VARS1: variants seen among roughly 807,000 people sequenced by gnomAD.
VARS1 encodes the protein valyl-tRNA synthetase 1, also known as valine--tRNA ligase.
Under a neutral mutation model 161.0 loss-of-function variants are expected in VARS1, and 92 were observed. The observed-to-expected ratio is 0.57, with a 90% confidence interval of 0.48 to 0.68. The LOEUF is 0.68. VARS1 is among the 30% of genes least tolerant of loss of function. The probability of loss-of-function intolerance (pLI) is 0.00; values close to 1 mark genes in which losing one functional copy is unlikely to be tolerated. For missense variants in VARS1, 1,338 were observed against 1,695.9 expected, an observed-to-expected ratio of 0.79 and a Z score of 3.71; for synonymous variants, 595 against 682.5, an observed-to-expected ratio of 0.87 and a Z score of 2.00.
In VARS1 at chr6:31,783,123, C is replaced by T; in HGVS notation, c.1735G>A (p.Glu579Lys). The T allele has an allele frequency of 6.2e-7, 1 of 1,612,780 alleles. No homozygotes were observed. The highest frequency in any genetic ancestry group is 8.5e-7 in the Non-Finnish European group (1 of 1,179,950). The change falls in exon 14 of 30, where the codon GAA becomes AAA. Residue 579 changes from glutamate (E) to lysine (K), a missense_variant. Physicochemically the swap from Glu to Lys is moderately conservative, Grantham distance 56 (BLOSUM62 1). This residue lies in a region of VARS1 where 902 missense variants were observed against 1,090.3 expected (regional missense o/e 0.83). Transcript: ENST00000375663. Reference sequence around the variant, plus strand: ...GTGCCAAAGTCCATGTCCACAAATTCATCGAAGACAATGGGAAGGCTCCGA... The same window carrying T: ...GTGCCAAAGTCCATGTCCACAAATTTATCGAAGACAATGGGAAGGCTCCGA... Reference protein sequence around the residue: ...LSRSLPIVFDEFVDMDFGTGA... With the variant: ...LSRSLPIVFDKFVDMDFGTGA...
chr6:31,778,850 A>C lies in VARS1; in HGVS notation c.3726+117T>G, dbSNP rs929122170. On this transcript the variant is annotated intron_variant, in intron 29 of 29. Transcript: ENST00000375663. The surrounding 1 kb of genome is among the most constrained non-coding windows in gnomAD (Gnocchi z 5.1). The stretch of plus-strand genomic sequence containing the variant: ...AGTGGGAGTGGAGAAGGAACAAAGA[A>C]ATCTGTAACTGGTTACGATCAATTA... 14 of 1,376,772 alleles carry C rather than the reference A, an allele frequency of 1.0e-5. No homozygotes were observed. The highest frequency in any genetic ancestry group is 2.3e-5 in the East Asian group (1 of 42,672). The allele number at this position is 1,376,772 out of a possible 1,614,324, so 85.3% of individuals were successfully genotyped here. A position where few individuals can be genotyped will look rare whatever the true frequency, so the allele number is the denominator to read the frequency against.
Position 31,795,592 on chromosome 6 carries a change from G to C in VARS1, c.-80C>G, listed in dbSNP as rs1814229396. On this transcript the variant is annotated 5_prime_UTR_variant, in exon 1 of 30. Transcript: ENST00000375663. This position sits in a 1 kb window ranked among gnomAD's most constrained non-coding sequence, Gnocchi z 6.9. ...GGCCGGGAATCCACCTCACAGCCAG[G>C]CGCCGGCCGCGGCTGGACCGGCCGA... The C allele has an allele frequency of 5.6e-6, 1 of 177,880 alleles. No homozygotes were observed. Among genetic ancestry groups the C allele is most frequent in the Non-Finnish European group, 1.2e-5 (1 of 85,322 alleles). 11.0% of individuals were successfully genotyped at this position (177,880 alleles called of 1,614,324 possible).
Position 31,783,103 on chromosome 6 carries a change from A to G in VARS1, c.1755T>C (p.Phe585=). ...IVFDEFVDMD[F]GTGAVKITPA... is the part of the protein sequence containing the mutation. ...GACCAGCCCCTTGCCCACCTGTGCC[A>G]AAGTCCATGTCCACAAATTCATCGA... The change falls in exon 14 of 30, where the codon TTT becomes TTC. Residue 585 remains phenylalanine, a synonymous_variant. Coordinates refer to ENST00000375663, the MANE Select transcript of VARS1 (RefSeq NM_006295.3). 1 of 1,612,538 alleles carries G rather than the reference A, an allele frequency of 6.2e-7. No homozygotes were observed. The highest frequency in any genetic ancestry group is 8.5e-7 in the Non-Finnish European group (1 of 1,179,816).
chr6:31,779,444 G>A lies in VARS1; in HGVS notation c.3381C>T (p.Leu1127=), dbSNP rs1249773464. 1 of 1,612,362 alleles carries A rather than the reference G, an allele frequency of 6.2e-7. No homozygotes were observed. The highest frequency in any genetic ancestry group is 8.5e-7 in the Non-Finnish European group (1 of 1,180,012). The change falls in exon 28 of 30, where the codon CTC becomes CTT. Residue 1127 remains leucine (L), a synonymous_variant. Transcript: ENST00000375663. This position sits in a 1 kb window ranked among gnomAD's most constrained non-coding sequence, Gnocchi z 9.1. ...GCTCACAGTCAGGCCGGATCCGGGT[G>A]AGGTTGTAGTCGGCCCGCAGGGAGC... ...AVRSLRADYN[L]TRIRPDCFLE...
In VARS1 at chr6:31,780,081, G is replaced by C. The variant is rs1243342123; in HGVS notation, c.2998C>G (p.Gln1000Glu). 2.5e-6 allele frequency: 4 copies of C among 1,614,024 alleles called. No individual in the cohort carries two copies. In the African/African-American group the frequency reaches 4.0e-5, roughly 16 times the overall value. ...GGGAAGTCGTAGGCCTGGAAGCCTT[G>C]ATTGCTGAGCCTCACAGCCTCTGTC... ...RLTEAVRLSN[Q>E]GFQAYDFPAV... Residue 1000 changes from glutamine (Q) to glutamate (E), a missense_variant, in exon 26 of 30, where the codon CAA becomes GAA. Around this residue, in one of 3 missense-constraint regions of VARS1, gnomAD observed 433 missense variants for 586.2 expected, o/e 0.74. Coordinates refer to ENST00000375663, the MANE Select transcript of VARS1 (RefSeq NM_006295.3). This position sits in a 1 kb window ranked among gnomAD's most constrained non-coding sequence, Gnocchi z 5.1.
Position 31,792,836 on chromosome 6 carries a change from A to G in VARS1, c.582T>C (p.Cys194=). 6.2e-7 allele frequency: 1 copy of G among 1,614,182 alleles called. No homozygotes were observed. Among genetic ancestry groups the G allele is most frequent in the East Asian group, 2.2e-5 (1 of 44,882 alleles). Residue 194 remains cysteine (C), a synonymous_variant, in exon 4 of 30, where the codon TGT becomes TGC. Transcript: ENST00000375663. ...CGGCTCGGAATTCTGGCTGCCGGAC[A>G]CACGTGACAAACCAGCGAGTCACAT... The part of the protein sequence containing the change: ...WNNVTRWFVT[C]VRQPEFRAVL...
In VARS1 at chr6:31,792,840, G is replaced by A. The variant is rs750722856; in HGVS notation, c.578C>T (p.Thr193Met). ...TCGGAATTCTGGCTGCCGGACACAC[G>A]TGACAAACCAGCGAGTCACATTATT... Reference protein sequence around the residue: ...IWNNVTRWFVTCVRQPEFRAV... With the variant: ...IWNNVTRWFVMCVRQPEFRAV... Residue 193 changes from threonine (T) to methionine (M), a missense_variant, in exon 4 of 30, where the codon ACG becomes ATG. Thr to Met is a moderately conservative substitution (Grantham distance 81). This residue lies in a region of VARS1 where 902 missense variants were observed against 1,090.3 expected (regional missense o/e 0.83). Transcript: ENST00000375663. 10 of 1,613,986 alleles carry A rather than the reference G, an allele frequency of 6.2e-6. No homozygotes were observed. Among genetic ancestry groups the A allele is most frequent in the South Asian group, 3.3e-5 (3 of 91,080 alleles).
chr6:31,789,450 CA>C (rs1813726144), intron 8 of VARS1, among the ~76,000 whole-genome samples: 1 of 152,134 alleles, frequency 6.6e-6, no homozygotes, highest in African/African-American at 2.4e-5. Context: ...ACTAATTAGG[CA>C]ACCCTAATGC....
Position 31,779,487 on chromosome 6 carries a change from C to T in VARS1, c.3338G>A (p.Ser1113Asn). The T allele has an allele frequency of 6.2e-7, 1 of 1,612,824 alleles. No homozygotes were observed. Among genetic ancestry groups the T allele is most frequent in the South Asian group, 1.1e-5 (1 of 91,078 alleles). ...CAGGGAGCGCACGGCTCGCGTGATG[C>T]TTAGCGCCAGCTCAAGGGCGGCTTC... ...EAEAALELALSITRAVRSLRA... is the reference protein window; with the variant it reads ...EAEAALELALNITRAVRSLRA... The change falls in exon 28 of 30, where the codon AGC becomes AAC. Residue 1113 changes from serine to asparagine, a missense_variant. Transcript: ENST00000375663. The surrounding 1 kb of genome is among the most constrained non-coding windows in gnomAD (Gnocchi z 9.1).
chr6:31,792,319 G>C lies in VARS1; in HGVS notation c.787-18C>G, dbSNP rs771119170. 28 of 1,613,900 alleles carry C rather than the reference G, an allele frequency of 1.7e-5. No individual in the cohort carries two copies. Among genetic ancestry groups the C allele is most frequent in the Non-Finnish European group, 2.3e-5 (27 of 1,179,978 alleles). On this transcript the variant is annotated intron_variant, in intron 5 of 29. Coordinates refer to ENST00000375663, the MANE Select transcript of VARS1 (RefSeq NM_006295.3). ...GGTTTCTTCTGCTTGGGAGGGAGAA[G>C]ACATAGGCCCAGGCATCAGCCAACC...
rs552925185 is a variant in VARS1 at position 31,785,853 on chromosome 6, C to T, written c.1101-120G>A. On this transcript the variant is annotated intron_variant, in intron 8 of 29. Transcript: ENST00000375663. This position sits in a 1 kb window ranked among gnomAD's most constrained non-coding sequence, Gnocchi z 6.1. Reference sequence around the variant, plus strand: ...AATAAAGAAGCAGGGAGGCCGGACGCGGTGGCTCACGCCTGTAATCCCAGA... The same window carrying T: ...AATAAAGAAGCAGGGAGGCCGGACGTGGTGGCTCACGCCTGTAATCCCAGA... The T allele has an allele frequency of 2.7e-5, 34 of 1,281,518 alleles. No individual in the cohort carries two copies. Among genetic ancestry groups the T allele is most frequent in the South Asian group, 1.6e-4 (11 of 66,974 alleles). The allele number at this position is 1,281,518 out of a possible 1,614,324, so 79.4% of individuals were successfully genotyped here. A position where few individuals can be genotyped will look rare whatever the true frequency, so the allele number is the denominator to read the frequency against.
rs755456922 is a variant in VARS1 at position 31,782,819 on chromosome 6, C to T, written c.1789G>A (p.Asp597Asn). 1 of 1,612,772 alleles carries T rather than the reference C, an allele frequency of 6.2e-7. No individual in the cohort carries two copies. Among genetic ancestry groups the T allele is most frequent in the South Asian group, 1.1e-5 (1 of 91,038 alleles). ...TGCCCAACTTCATAGTCATTTTGGT[C>T]ATGTGCGGGGGTGATCTTCACAGCA... ...TGAVKITPAH[D>N]QNDYEVGQRH... The change falls in exon 15 of 30, where the codon GAC (aspartate) becomes AAC (asparagine). Residue 597 changes from aspartate (D) to asparagine (N), a missense_variant. By Grantham distance (23) the Asp-to-Asn change is conservative (BLOSUM62 1). Coordinates refer to ENST00000375663, the MANE Select transcript of VARS1 (RefSeq NM_006295.3). The surrounding 1 kb of genome is among the most constrained non-coding windows in gnomAD (Gnocchi z 8.3).
In VARS1 at chr6:31,777,791, C is replaced by T; in HGVS notation, c.3727-129G>A. 1 of 1,002,200 alleles carries T rather than the reference C, an allele frequency of 1.0e-6. No homozygotes were observed. The highest frequency in any genetic ancestry group is 1.5e-6 in the Non-Finnish European group (1 of 668,172). The allele number at this position is 1,002,200 out of a possible 1,614,324, so 62.1% of individuals were successfully genotyped here. A position where few individuals can be genotyped will look rare whatever the true frequency, so the allele number is the denominator to read the frequency against. ...TCAGTAGCTCAGAGGAGGCGTGAAC[C>T]TGGCTGGCCTGGCTCCCCACCCATT... On this transcript the variant is annotated intron_variant, in intron 29 of 29. Transcript: ENST00000375663. This position sits in a 1 kb window ranked among gnomAD's most constrained non-coding sequence, Gnocchi z 5.8.
Position 31,793,035 on chromosome 6 carries a change from G to T in VARS1, c.473C>A (p.Thr158Asn). Residue 158 changes from threonine to asparagine, a missense_variant, in exon 3 of 30, where the codon ACT becomes AAT. Thr to Asn is a moderately conservative substitution (Grantham distance 65). This residue lies in a region of VARS1 where 902 missense variants were observed against 1,090.3 expected (regional missense o/e 0.83). Coordinates refer to ENST00000375663, the MANE Select transcript of VARS1 (RefSeq NM_006295.3). ...LHTYLAGEAP[T>N]LADLAAVTAL... ...TGTGACAGCCGCCAGGTCAGCCAGAGTGGGGGCCTCCCCGGCCAAGTAGGT... is the reference window on the plus strand; with the variant it reads ...TGTGACAGCCGCCAGGTCAGCCAGATTGGGGGCCTCCCCGGCCAAGTAGGT... 6.2e-7 allele frequency: 1 copy of T among 1,613,152 alleles called. No homozygotes were observed. The highest frequency in any genetic ancestry group is 8.5e-7 in the Non-Finnish European group (1 of 1,180,042).
rs1365994259 is a variant in VARS1, at chr6:31,779,981, G to A, written c.3081+17C>T. 8 of 1,613,078 alleles carry A rather than the reference G, an allele frequency of 5.0e-6. No individual in the cohort carries two copies. Among genetic ancestry groups the A allele is most frequent in the Middle Eastern group, 1.7e-4 (1 of 6,060 alleles). On this transcript the variant is annotated intron_variant, in intron 26 of 29. Coordinates refer to ENST00000375663, the MANE Select transcript of VARS1 (RefSeq NM_006295.3). The surrounding 1 kb of genome is among the most constrained non-coding windows in gnomAD (Gnocchi z 9.1). The stretch of plus-strand genomic sequence containing the variant: ...ACCTGCCCCCACCATCCCCTGCCCC[G>A]CTGTGCTCCTTCTCACCAAGTAGAC...
At position 31,779,397 on chromosome 6, in the gene VARS1, G is replaced by T; in HGVS notation, c.3400+28C>A. 6.2e-7 allele frequency: 1 copy of T among 1,608,254 alleles called. No homozygotes were observed. On this transcript the variant is annotated intron_variant, in intron 28 of 29. Transcript: ENST00000375663. This position sits in a 1 kb window ranked among gnomAD's most constrained non-coding sequence, Gnocchi z 9.1. ...GAGTAGGCTGAGGGGACAGTGGGAT[G>T]GGGCGGACATGGGGGCCTGAGGCTC...
At chr6:31,794,276 C>T (rs890877029) in intron 2 of VARS1, among the ~76,000 whole-genome samples, 1 of 152,094 alleles carries the variant, frequency 6.6e-6, no homozygotes, top group Non-Finnish European at 1.5e-5. Context: ...TTCATTCATC[C>T]ATTCAAGAAA....
In VARS1 at chr6:31,780,246, CTGA is replaced by C. The variant is rs1378613792; in HGVS notation, c.2926-96_2926-94del. On this transcript the variant is annotated intron_variant, in intron 25 of 29. Transcript: ENST00000375663. The surrounding 1 kb of genome is among the most constrained non-coding windows in gnomAD (Gnocchi z 5.1). ...TCATGGGCAAATCTTCATCCAGAGTCTGATGAGTCCAAAGCAACCACCTATGTG... is the reference window on the plus strand; with the variant it reads ...TCATGGGCAAATCTTCATCCAGAGTCTGAGTCCAAAGCAACCACCTATGTG... 1.9e-6 allele frequency: 3 copies of C among 1,564,798 alleles called. No individual in the cohort carries two copies. Among genetic ancestry groups the C allele is most frequent in the East Asian group, 4.5e-5 (2 of 44,222 alleles).
Position 31,778,634 on chromosome 6 carries a change from C to T in VARS1, c.3726+333G>A, listed in dbSNP as rs1035812248. Among the ~76,000 whole-genome samples the T allele has an allele frequency of 4.6e-5, 7 of 152,138 alleles. No homozygotes were observed. Among genetic ancestry groups the T allele is most frequent in the Non-Finnish European group, 1.0e-4 (7 of 68,024 alleles). ...AAGCAATCCGCCCACCTCAGCCCCC[C>T]GAGTAGCTGGGACCCCAAGTGTGTG... On this transcript the variant is annotated intron_variant, in intron 29 of 29. Transcript: ENST00000375663. This position sits in a 1 kb window ranked among gnomAD's most constrained non-coding sequence, Gnocchi z 5.1.
Sources: allele counts gnomAD v4.1 joint callset (sites outside exome capture counted in the v4.1 genomes callset), GRCh38; gene constraint gnomAD v4.1.1; regional missense constraint gnomAD v4.1.1; non-coding constraint Gnocchi (gnomAD v3.1); transcripts MANE v1.5; gene names NCBI Gene and HGNC (gene_info 2026-07-23, HGNC 2026-07-21).